The following LRRTM3 variants were observed in gnomAD, a reference collection of about 807,000 sequenced individuals.
LRRTM3 encodes the protein leucine rich repeat transmembrane neuronal 3.
Under a neutral mutation model 44.7 loss-of-function variants are expected in LRRTM3, and 24 were observed. That is an observed-to-expected ratio of 0.54 (90% CI 0.39 to 0.76). The LOEUF is 0.76. Ranked by LOEUF, LRRTM3 falls within the 30% of genes least tolerant of loss-of-function variation. The pLI is 0.00. For synonymous variants in LRRTM3, 277 were observed against 278.7 expected, an observed-to-expected ratio of 0.99 and a Z score of 0.06; for missense variants, 587 against 702.2, an observed-to-expected ratio of 0.84 and a Z score of 1.85.
intron 2 of LRRTM3, among the ~76,000 whole-genome samples, chr10:66,966,547 G>T (rs1849423260): frequency 6.6e-6 from 1 of 151,862 alleles, no homozygotes; most frequent in Non-Finnish European, 1.5e-5. Flanking sequence ...TGAGCTATCA[G>T]ATTCAAAGAA....
intron 2 of LRRTM3, among the ~76,000 whole-genome samples, chr10:66,946,627 G>A (rs983899113): frequency 9.2e-5 from 14 of 152,014 alleles, no homozygotes; most frequent in African/African-American, 1.4e-4. Context: ...TTACATAAAC[G>A]CAATCATAAA....
Position 66,926,931 on chromosome 10 carries a change from A to G in LRRTM3, c.15A>G (p.Val5=). The G allele has an allele frequency of 2.5e-6, 4 of 1,570,414 alleles. No homozygotes were observed. The highest frequency in any genetic ancestry group is 3.4e-6 in the Non-Finnish European group (4 of 1,160,880). The part of the protein sequence containing the change: MGFN[V]IRLLSGSAVA... ...TGTTTTTATTTCCAGGTTTCAATGT[A>G]ATTAGGCTACTGAGCGGATCAGCTG... Residue 5 remains valine, a synonymous_variant, in exon 2 of 3, where the codon GTA becomes GTG. Coordinates refer to ENST00000361320, the MANE Select transcript of LRRTM3 (RefSeq NM_178011.5).
intron 2 of LRRTM3, among the ~76,000 whole-genome samples, chr10:67,002,946 T>C (rs1851767241): frequency 6.6e-6 from 1 of 152,194 alleles, no homozygotes; most frequent in South Asian, 2.1e-4. Flanking sequence ...ACCTAAAATA[T>C]ACTCTTCGTA....
intron 2 of LRRTM3, among the ~76,000 whole-genome samples, chr10:66,958,055 A>G (rs1736828485): frequency 6.6e-6 from 1 of 152,058 alleles, no homozygotes; most frequent in African/African-American, 2.4e-5. Flanking sequence ...TTGAACACAC[A>G]AACTATGCAA....
chr10:66,972,101 T>C (rs2132831705), intron 2 of LRRTM3, among the ~76,000 whole-genome samples: 1 of 152,294 alleles, frequency 6.6e-6, no homozygotes, highest in African/African-American at 2.4e-5. Flanking sequence ...TTGTTTAGTG[T>C]TGCCATAGCA....
At chr10:67,030,422 G>T (rs1483060690) in intron 2 of LRRTM3, among the ~76,000 whole-genome samples, 2 of 151,990 alleles carry the variant, frequency 1.3e-5, no homozygotes, top group African/African-American at 4.8e-5. Context: ...TTTAGGCCCT[G>T]TTGTGAATTA....
rs12265940 is a variant in LRRTM3, at chr10:66,965,228, T to G, written c.1536+36776T>G. Among the ~76,000 whole-genome samples the G allele has an allele frequency of 7.9e-3, 1,203 of 151,360 alleles. 12 individuals are homozygous for G. Among genetic ancestry groups the G allele is most frequent in the African/African-American group, 0.026 (1,081 of 41,170 alleles). On this transcript the variant is annotated intron_variant, in intron 2 of 2. Coordinates refer to ENST00000361320, the MANE Select transcript of LRRTM3 (RefSeq NM_178011.5). ...TTGTGTTTAAAAAGCTGGGTTTTTTTGGGGTTTTTTTGTTTGTTTGTTTTT... is the reference window on the plus strand; with the variant it reads ...TTGTGTTTAAAAAGCTGGGTTTTTTGGGGGTTTTTTTGTTTGTTTGTTTTT...
At chr10:66,933,448 C>CATTGTGTTCAAT (rs1847520544) in intron 2 of LRRTM3, among the ~76,000 whole-genome samples, 1 of 152,212 alleles carries the variant, frequency 6.6e-6, no homozygotes, top group African/African-American at 2.4e-5. Context: ...CCTGTCCACT[C>CATTGTGTTCAAT]CCTTTCTAGT....
At chr10:67,015,740 AT>A (rs1489058859) in intron 2 of LRRTM3, among the ~76,000 whole-genome samples, 1 of 151,634 alleles carries the variant, frequency 6.6e-6, no homozygotes, top group African/African-American at 2.4e-5. Context: ...TTATTGATTC[AT>A]TTTTTTCTGT....
At chr10:67,001,281 C>G (rs1021080334) in intron 2 of LRRTM3, among the ~76,000 whole-genome samples, 1 of 134,806 alleles carries the variant, frequency 7.4e-6, no homozygotes, top group Non-Finnish European at 1.5e-5. Flanking sequence ...AGCCTGACGA[C>G]AGAGTGAGAC....
chr10:67,065,680 G>A (rs926458750), intron 2 of LRRTM3, among the ~76,000 whole-genome samples: 9 of 151,990 alleles, frequency 5.9e-5, no homozygotes, highest in African/African-American at 2.2e-4. Context: ...CCCCAAGCAT[G>A]AGCCACGGGA....
intron 2 of LRRTM3, among the ~76,000 whole-genome samples, chr10:66,936,796 G>A (rs906941991): frequency 3.9e-5 from 6 of 151,996 alleles, no homozygotes; most frequent in East Asian, 1.9e-4. Flanking sequence ...TTTCTTATGC[G>A]TTATCAAATA....
chr10:66,967,489 T>C (rs1183759229), intron 2 of LRRTM3, among the ~76,000 whole-genome samples: 1 of 151,922 alleles, frequency 6.6e-6, no homozygotes, highest in Admixed American at 6.6e-5. Flanking sequence ...GTTAACTGCA[T>C]TGGAAAATGA....
chr10:66,967,595 G>A (rs560466795), intron 2 of LRRTM3, among the ~76,000 whole-genome samples: 10 of 151,826 alleles, frequency 6.6e-5, no homozygotes, highest in African/African-American at 9.7e-5. Context: ...CATATGAGGC[G>A]GGACTATGTA....
chr10:66,997,180 G>C (rs1382109356), intron 2 of LRRTM3, among the ~76,000 whole-genome samples: 1 of 152,064 alleles, frequency 6.6e-6, no homozygotes, highest in Non-Finnish European at 1.5e-5. Flanking sequence ...ACAACCCTTT[G>C]TATTATTTCA....
chr10:67,051,902 G>A (rs1259467708), intron 2 of LRRTM3, among the ~76,000 whole-genome samples: 1 of 151,948 alleles, frequency 6.6e-6, no homozygotes, highest in East Asian at 1.9e-4. Flanking sequence ...CTACAGGCAT[G>A]CCCCACTACA....
intron 2 of LRRTM3, among the ~76,000 whole-genome samples, chr10:67,067,744 T>C (rs771548281): frequency 6.6e-6 from 1 of 152,220 alleles, no homozygotes; most frequent in African/African-American, 2.4e-5. Flanking sequence ...TATTCATTCA[T>C]TTATGCAGTC....
chr10:66,989,431 T>G (rs1850920450), intron 2 of LRRTM3, among the ~76,000 whole-genome samples: 1 of 152,186 alleles, frequency 6.6e-6, no homozygotes, highest in South Asian at 2.1e-4. Flanking sequence ...AGAATTAGAC[T>G]ACTTTAATAG....
intron 2 of LRRTM3, among the ~76,000 whole-genome samples, chr10:66,982,673 A>C (rs1850508127): frequency 6.6e-6 from 1 of 152,242 alleles, no homozygotes; most frequent in African/African-American, 2.4e-5. Context: ...AATAAAAGAG[A>C]TCAATGAATA....
Sources: gnomAD v4.1 joint callset for allele counts (sites outside exome capture counted in the v4.1 genomes callset) on GRCh38, gnomAD v4.1.1 for gene constraint, MANE v1.5 for transcripts, NCBI Gene and HGNC (gene_info 2026-07-23, HGNC 2026-07-21) for gene names.